Variants in ASTN2 observed in about 807,000 individuals in gnomAD.
ASTN2 encodes the protein astrotactin-2.
Under a neutral mutation model 139.8 loss-of-function variants are expected in ASTN2, and 54 were observed. That is an observed-to-expected ratio of 0.39 (90% CI 0.31 to 0.48). The LOEUF is 0.48. Ranked by LOEUF, ASTN2 falls within the 20% of genes least tolerant of loss-of-function variation. The pLI is 0.95. For missense variants in ASTN2, 1,565 were observed against 1,725.1 expected (o/e 0.91, Z 1.64); for synonymous variants, 756 against 719.5 (o/e 1.05, Z -0.81).
chr9:116,674,760 G>A (rs1859402512), intron 16 of ASTN2, among the ~76,000 whole-genome samples: 2 of 151,984 alleles, frequency 1.3e-5, no homozygotes. Context: ...TTGTGGCCCT[G>A]GACTCAGGAA....
At chr9:117,370,012 A>G (rs1829947536) in intron 1 of ASTN2, among the ~76,000 whole-genome samples, 1 of 152,148 alleles carries the variant, frequency 6.6e-6, no homozygotes, top group African/African-American at 2.4e-5. Context: ...GCGGGAAGCT[A>G]CAGGTTGGCC....
At chr9:116,619,875 T>A (rs114107157) in intron 18 of ASTN2, among the ~76,000 whole-genome samples, 1 of 152,080 alleles carries the variant, frequency 6.6e-6, no homozygotes, top group East Asian at 1.9e-4. Context: ...TGTTTTGGCA[T>A]CTATCTCCTC....
chr9:116,812,650 A>G lies in ASTN2; in HGVS notation c.2208-6830T>C, dbSNP rs756361795. Among the ~76,000 whole-genome samples the G allele has an allele frequency of 1.8e-3, 281 of 152,352 alleles. 14 individuals are homozygous for G. Among genetic ancestry groups the G allele is most frequent in the Non-Finnish European group, 1.5e-3 (102 of 68,030 alleles). On this transcript the variant is annotated intron_variant, in intron 12 of 22. Transcript: ENST00000313400. ...GCAATAGGAAATGTGAGACACTCAC[A>G]GGGAGGTATTGTCTCCACTTTCAGA...
chr9:116,947,839 G>A lies in ASTN2; in HGVS notation c.1889+27369C>T, dbSNP rs181995981. On this transcript the variant is annotated intron_variant, in intron 10 of 22. Transcript: ENST00000313400. ...TTCATCACTACTGTGGGATCCTCAG[G>A]TTCCATTCAAGTTTTGCTGAATGTC... is the stretch of plus-strand genomic sequence containing the variant. Among the ~76,000 whole-genome samples, 3 of 152,290 alleles carry A rather than the reference G, an allele frequency of 2.0e-5. No homozygotes were observed. In the East Asian group the frequency reaches 5.8e-4, roughly 29 times the overall value.
At chr9:117,170,909 A>G (rs1830776287) in intron 3 of ASTN2, among the ~76,000 whole-genome samples, 1 of 152,134 alleles carries the variant, frequency 6.6e-6, no homozygotes, top group Non-Finnish European at 1.5e-5. Flanking sequence ...AGGTTCCACA[A>G]ATACATGTAC....
intron 7 of ASTN2, among the ~76,000 whole-genome samples, chr9:116,985,733 A>T (rs1369812430): frequency 6.6e-6 from 1 of 152,188 alleles, no homozygotes; most frequent in East Asian, 1.9e-4. Flanking sequence ...ATCCAGAAGG[A>T]TCTGGCTTCA....
chr9:117,198,728 T>C (rs939121811), intron 3 of ASTN2, among the ~76,000 whole-genome samples: 4 of 152,202 alleles, frequency 2.6e-5, no homozygotes, highest in South Asian at 2.1e-4. Context: ...TCTTCCACAA[T>C]GGTTAAACTA....
chr9:117,159,863 A>C (rs1004928666), intron 3 of ASTN2, among the ~76,000 whole-genome samples: 1 of 152,080 alleles, frequency 6.6e-6, no homozygotes, highest in Non-Finnish European at 1.5e-5. Flanking sequence ...ACAAGATTGT[A>C]TTCATCAATG....
intron 10 of ASTN2, among the ~76,000 whole-genome samples, chr9:116,955,450 A>T (rs942683133): frequency 2.6e-5 from 4 of 152,232 alleles, no homozygotes; most frequent in Non-Finnish European, 4.4e-5. Flanking sequence ...AAAATATTGC[A>T]TAGCTATTGG....
At chr9:116,947,314 C>G (rs1014417069) in intron 10 of ASTN2, among the ~76,000 whole-genome samples, 1 of 152,132 alleles carries the variant, frequency 6.6e-6, no homozygotes. Flanking sequence ...TGAATGTGAA[C>G]GTCTCACAGA....
intron 1 of ASTN2, among the ~76,000 whole-genome samples, chr9:117,345,713 A>G (rs1172388158): frequency 1.3e-5 from 2 of 152,206 alleles, no homozygotes; most frequent in African/African-American, 4.8e-5. Flanking sequence ...GCTTCTCTGG[A>G]CAAGGTAGTC....
At chr9:116,549,863 C>G (rs73524149) in intron 19 of ASTN2, among the ~76,000 whole-genome samples, 3,159 of 152,006 alleles carry the variant, frequency 0.021, 105 homozygotes, top group African/African-American at 0.072. Context: ...CCCCTCCATG[C>G]TTTCTACACT....
At chr9:116,993,877 T>TATA (rs1554767627) in intron 7 of ASTN2, among the ~76,000 whole-genome samples, 32 of 114,298 alleles carry the variant, frequency 2.8e-4, no homozygotes, top group Non-Finnish European at 5.5e-4. Flanking sequence ...TATATATATA[T>TATA]TTTAACTATA....
intron 19 of ASTN2, among the ~76,000 whole-genome samples, chr9:116,503,708 A>G: frequency 6.6e-6 from 1 of 152,168 alleles, no homozygotes; most frequent in East Asian, 1.9e-4. Flanking sequence ...TAAAATATAA[A>G]CACACATACA....
chr9:116,942,464 A>G (rs1413888724), intron 10 of ASTN2, among the ~76,000 whole-genome samples: 1 of 152,040 alleles, frequency 6.6e-6, no homozygotes, highest in Non-Finnish European at 1.5e-5. Context: ...TGGGTGCTAG[A>G]TTGAGATAGC....
intron 22 of ASTN2, 133 bp downstream of exon 22, chr9:116,440,476 T>G: frequency 1.2e-6 from 1 of 821,868 alleles, no homozygotes; most frequent in Non-Finnish European, 1.9e-6. Flanking sequence ...ATCTTTAGCC[T>G]TGACACGACC....
chr9:116,754,599 T>C (rs1247810350), intron 13 of ASTN2, among the ~76,000 whole-genome samples: 1 of 152,198 alleles, frequency 6.6e-6, no homozygotes, highest in Non-Finnish European at 1.5e-5. Context: ...TCCTTGGGTA[T>C]TACACTGGCA....
At chr9:116,815,417 T>C (rs1444430696) in intron 12 of ASTN2, among the ~76,000 whole-genome samples, 1 of 152,144 alleles carries the variant, frequency 6.6e-6, no homozygotes, top group Admixed American at 6.5e-5. Context: ...CTCAAGCTTC[T>C]ATCCCAATTT....
intron 4 of ASTN2, among the ~76,000 whole-genome samples, chr9:117,106,469 G>A (rs1194971267): frequency 1.3e-5 from 2 of 151,938 alleles, no homozygotes. Flanking sequence ...AAAGTGCTGG[G>A]ATTATAAACG....
Sources: allele counts gnomAD v4.1 joint callset (sites outside exome capture counted in the v4.1 genomes callset), GRCh38; gene constraint gnomAD v4.1.1; transcripts MANE v1.5; gene names NCBI Gene and HGNC (gene_info 2026-07-23, HGNC 2026-07-21).